The following SYT6 variants were observed in gnomAD, a reference collection of about 807,000 sequenced individuals.
SYT6 encodes the protein synaptotagmin-6.
A neutral mutation model predicts 38.4 loss-of-function variants in SYT6; 24 were observed. The ratio of observed to expected loss-of-function variants is 0.62; its 90% confidence interval spans 0.45 to 0.88. SYT6 has a LOEUF of 0.88. Among genes scored for constraint, SYT6 ranks in the 40% least tolerant of loss-of-function variants. SYT6 has a pLI of 0.00. For missense variants in SYT6, 611 were observed against 621.0 expected (o/e 0.98, Z 0.17); for synonymous variants, 265 against 241.9 (o/e 1.10, Z -0.89).
intron 3 of SYT6, among the ~76,000 whole-genome samples, chr1:114,122,510 C>T (rs986534990): frequency 1.4e-5 from 1 of 70,282 alleles, no homozygotes; most frequent in African/African-American, 5.6e-5. Context: ...TGTGTGTGCG[C>T]GCACATGAGC....
chr1:114,148,608 C>A (rs149721482), intron 1 of SYT6, among the ~76,000 whole-genome samples: 1 of 152,092 alleles, frequency 6.6e-6, no homozygotes, highest in Middle Eastern at 3.2e-3. Context: ...GGAAGAAGAG[C>A]GTTTAGCCTG....
chr1:114,137,498 T>A lies in SYT6; in HGVS notation c.1068A>T (p.Thr356=). The A allele has an allele frequency of 4.3e-6, 7 of 1,612,520 alleles. No homozygotes were observed. Among genetic ancestry groups the A allele is most frequent in the Non-Finnish European group, 5.9e-6 (7 of 1,178,724 alleles). The change falls in exon 3 of 8, where the codon ACA becomes ACT. Residue 356 remains threonine, a synonymous_variant. Transcript: ENST00000610222. ...TSIWKDIQYA[T]SESVDLGEIM... ...CAAGGAACAGGGCTGTACTTACACT[T>A]GTGGCATATTGGATATCCTTCCAGA...
At chr1:114,125,663 A>G (rs1383988147) in intron 3 of SYT6, among the ~76,000 whole-genome samples, 1 of 152,118 alleles carries the variant, frequency 6.6e-6, no homozygotes, top group Non-Finnish European at 1.5e-5. Context: ...ACACTAAAAC[A>G]CCATAAACAT....
chr1:114,102,562 C>T (rs1377606091), intron 4 of SYT6, among the ~76,000 whole-genome samples: 2 of 152,058 alleles, frequency 1.3e-5, no homozygotes, highest in Non-Finnish European at 1.5e-5. Context: ...AACTCAAATA[C>T]CTTCTTCCAC....
At chr1:114,147,870 T>A (rs1679236544) in intron 1 of SYT6, among the ~76,000 whole-genome samples, 1 of 152,182 alleles carries the variant, frequency 6.6e-6, no homozygotes, top group South Asian at 2.1e-4. Context: ...TAAGCTGCTG[T>A]TATTCTTCAT....
rs1678550530 is a variant in SYT6, at chr1:114,137,495, A to G, written c.1071T>C (p.Ser357=). 1 of 1,612,242 alleles carries G rather than the reference A, an allele frequency of 6.2e-7. No homozygotes were observed. Among genetic ancestry groups the G allele is most frequent in the Admixed American group, 1.7e-5 (1 of 59,982 alleles). The change falls in exon 3 of 8, where the codon AGT becomes AGC. Residue 357 remains serine (S), a splice_region_variant and synonymous_variant. Coordinates refer to ENST00000610222, the MANE Select transcript of SYT6 (RefSeq NM_001253772.2). ...AGCCAAGGAACAGGGCTGTACTTAC[A>G]CTTGTGGCATATTGGATATCCTTCC... is the stretch of plus-strand genomic sequence containing the variant. ...SIWKDIQYAT[S]ESVDLGEIMF...
At chr1:114,136,957 T>A (rs1678515373) in intron 3 of SYT6, among the ~76,000 whole-genome samples, 1 of 152,172 alleles carries the variant, frequency 6.6e-6, no homozygotes, top group Non-Finnish European at 1.5e-5. Context: ...GTGCGTGATT[T>A]GCCACTTCCT....
intron 6 of SYT6, among the ~76,000 whole-genome samples, chr1:114,094,819 G>A (rs182162241): frequency 2.0e-5 from 3 of 152,334 alleles, no homozygotes; most frequent in African/African-American, 4.8e-5. Flanking sequence ...CAGGAGCAAA[G>A]TTCTTGCTCA....
Position 114,153,867 on chromosome 1 carries a change from A to T in SYT6, c.-95T>A, listed in dbSNP as rs967595598. 5 of 550,264 alleles carry T rather than the reference A, an allele frequency of 9.1e-6. No individual in the cohort carries two copies. The highest frequency in any genetic ancestry group is 4.6e-4 in the Middle Eastern group (1 of 2,158). The allele number at this position is 550,264 out of a possible 1,614,324, so 34.1% of individuals were successfully genotyped here. A position where few individuals can be genotyped will look rare whatever the true frequency, so the allele number is the denominator to read the frequency against. ...ACGGCCCCAAGAAGACCCTCCCTGC[A>T]GCGGCCCCCTGCGGCTCCGCTCTGC... On this transcript the variant is annotated 5_prime_UTR_variant, in exon 1 of 8. Transcript: ENST00000610222.
chr1:114,137,615 G>A lies in SYT6; in HGVS notation c.951C>T (p.Phe317=), dbSNP rs138297010. The A allele has an allele frequency of 1.7e-5, 27 of 1,614,212 alleles. No individual in the cohort carries two copies. The highest frequency in any genetic ancestry group is 1.2e-4 in the African/African-American group (9 of 75,064). The change falls in exon 3 of 8, where the codon TTC becomes TTT. Residue 317 remains phenylalanine (F), a synonymous_variant. Transcript: ENST00000610222. ...CATGGCGGGAGAAGCGGTCAAAGTC[G>A]AAGACACTGAGATGCAGCTTGCGGT... is the stretch of plus-strand genomic sequence containing the variant. The part of the protein sequence containing the change: ...LADRKLHLSV[F]DFDRFSRHDM...
intron 3 of SYT6, among the ~76,000 whole-genome samples, chr1:114,129,748 G>A (rs1678027973): frequency 6.6e-6 from 1 of 150,630 alleles, no homozygotes; most frequent in South Asian, 2.1e-4. Context: ...TGTAATCATG[G>A]CTCACTGCAG....
intron 3 of SYT6, among the ~76,000 whole-genome samples, chr1:114,113,106 T>C (rs902770379): frequency 6.6e-6 from 1 of 152,192 alleles, no homozygotes; most frequent in Non-Finnish European, 1.5e-5. Flanking sequence ...TTGGGGACAG[T>C]CACCCTGAAG....
intron 6 of SYT6, 53 bp downstream of exon 6, chr1:114,097,674 C>T (rs1259680222): frequency 1.3e-6 from 2 of 1,595,610 alleles, no homozygotes; most frequent in Middle Eastern, 1.7e-4. Context: ...TGCCATTCTC[C>T]AGCCCACACT....
chr1:114,092,019 T>C lies in SYT6; in HGVS notation c.*115A>G. ...TTATTTGGCTGCACATCTCATGGTGTTGGAGGTGGTTTCGGAGATGGGCAC... is the reference window on the plus strand; with the variant it reads ...TTATTTGGCTGCACATCTCATGGTGCTGGAGGTGGTTTCGGAGATGGGCAC... On this transcript the variant is annotated 3_prime_UTR_variant, in exon 8 of 8. Coordinates refer to ENST00000610222, the MANE Select transcript of SYT6 (RefSeq NM_001253772.2). 6.5e-7 allele frequency: 1 copy of C among 1,536,270 alleles called. No individual in the cohort carries two copies. Among genetic ancestry groups the C allele is most frequent in the South Asian group, 1.2e-5 (1 of 84,066 alleles).
intron 6 of SYT6, among the ~76,000 whole-genome samples, chr1:114,095,637 G>A (rs1170457028): frequency 6.6e-6 from 1 of 151,602 alleles, no homozygotes; most frequent in Non-Finnish European, 1.5e-5. Context: ...GGAACCCAAA[G>A]ACCAGAGTGG....
intron 3 of SYT6, among the ~76,000 whole-genome samples, chr1:114,105,895 C>A (rs781682047): frequency 6.6e-6 from 1 of 152,258 alleles, no homozygotes; most frequent in South Asian, 2.1e-4. Context: ...TGTTTCCATT[C>A]GTATTTACAG....
rs144417455 is a variant in SYT6, at chr1:114,109,522, A to G, written c.1072-5801T>C. Among the ~76,000 whole-genome samples the G allele has an allele frequency of 2.3e-4, 35 of 152,366 alleles. No homozygotes were observed. In the East Asian group the frequency reaches 6.5e-3, roughly 28 times the overall value. On this transcript the variant is annotated intron_variant, in intron 3 of 7. Transcript: ENST00000610222. The stretch of plus-strand genomic sequence containing the variant: ...TGGCTTCCTAACCTGTACACTGTAC[A>G]GTGGGATGAATATAGGACCCACCTC...
intron 3 of SYT6, among the ~76,000 whole-genome samples, chr1:114,127,808 C>T (rs866446055): frequency 1.8e-4 from 27 of 152,312 alleles, no homozygotes; most frequent in African/African-American, 5.5e-4. Flanking sequence ...ACATTTCCAG[C>T]GATTGGCCCA....
chr1:114,129,321 T>C (rs2101061485), intron 3 of SYT6, among the ~76,000 whole-genome samples: 1 of 152,232 alleles, frequency 6.6e-6, no homozygotes, highest in East Asian at 1.9e-4. Flanking sequence ...CTGCCTTTCC[T>C]CTGACTGTGT....
Sources: allele counts gnomAD v4.1 joint callset (sites outside exome capture counted in the v4.1 genomes callset), GRCh38; gene constraint gnomAD v4.1.1; transcripts MANE v1.5; gene names NCBI Gene and HGNC (gene_info 2026-07-23, HGNC 2026-07-21).